CNBD1: variants seen among roughly 807,000 people sequenced by gnomAD.
CNBD1 encodes the protein cyclic nucleotide binding domain containing 1, also known as cyclic nucleotide-binding domain-containing protein 1.
In CNBD1, 71 loss-of-function variants were observed where a neutral mutation model predicts 54.4. The observed-to-expected ratio is 1.30, with a 90% CI of 1.08 to 1.59. CNBD1 has a LOEUF of 1.59. Among genes scored for constraint, CNBD1 ranks in the 40% most tolerant of loss-of-function variants. The pLI is 0.00. For synonymous variants in CNBD1, 182 were observed against 170.7 expected, an observed-to-expected ratio of 1.07 and a Z score of -0.51; for missense variants, 659 against 518.0, an observed-to-expected ratio of 1.27 and a Z score of -2.64.
At chr8:86,962,740 G>T (rs901848132) in intron 4 of CNBD1, among the ~76,000 whole-genome samples, 3 of 151,800 alleles carry the variant, frequency 2.0e-5, no homozygotes, top group African/African-American at 7.3e-5. Context: ...GAGCTGAGAT[G>T]GTGCCACGAC....
intron 4 of CNBD1, among the ~76,000 whole-genome samples, chr8:87,192,365 T>C (rs11997670): frequency 0.016 from 2,478 of 152,244 alleles, 62 homozygotes; most frequent in African/African-American, 0.053. Context: ...ACCTGGAACA[T>C]CTCCTGCCCT....
Position 87,055,829 on chromosome 8 carries a change from CCT to C in CNBD1, c.431+116082_431+116083del, listed in dbSNP as rs778952318. ...CATCCATCCCTTCCTTCCTTCCCTC[CCT>C]CTCTCTTTCCTTCCTTCCTCCCTCC... On this transcript the variant is annotated intron_variant, in intron 4 of 10. Transcript: ENST00000518476. 3.4e-5 allele frequency among the ~76,000 whole-genome samples: 5 copies of C among 148,484 alleles called. No homozygotes were observed. The South Asian group carries it at 1.1e-3, about 33-fold the overall frequency.
chr8:86,899,645 CTTAG>C (rs1808902890), intron 2 of CNBD1, among the ~76,000 whole-genome samples: 1 of 151,966 alleles, frequency 6.6e-6, no homozygotes, highest in Non-Finnish European at 1.5e-5. Flanking sequence ...AATTTATAGG[CTTAG>C]GGATATAAAT....
At chr8:87,261,647 G>T (rs1808142895) in intron 6 of CNBD1, among the ~76,000 whole-genome samples, 1 of 152,022 alleles carries the variant, frequency 6.6e-6, no homozygotes, top group African/African-American at 2.4e-5. Context: ...ACACTTAGCA[G>T]TCAATGGGTG....
chr8:87,415,300 T>C (rs1807817368), intron 2 of CNBD1, among the ~76,000 whole-genome samples: 1 of 151,778 alleles, frequency 6.6e-6, no homozygotes, highest in Non-Finnish European at 1.5e-5. Context: ...GTTCCAAGAA[T>C]TTGTATTATT....
At chr8:87,076,468 A>G (rs1044872580) in intron 4 of CNBD1, among the ~76,000 whole-genome samples, 8 of 151,758 alleles carry the variant, frequency 5.3e-5, no homozygotes, top group African/African-American at 1.9e-4. Flanking sequence ...TTTGAGACAG[A>G]GTCTCACACT....
At chr8:87,304,688 A>T (rs1359614752) in intron 8 of CNBD1, among the ~76,000 whole-genome samples, 2 of 152,178 alleles carry the variant, frequency 1.3e-5, no homozygotes, top group Non-Finnish European at 2.9e-5. Flanking sequence ...AGATGCAGAA[A>T]AAGCATTCAA....
intron 4 of CNBD1, among the ~76,000 whole-genome samples, chr8:86,958,051 A>C (rs1014610042): frequency 6.6e-6 from 1 of 152,200 alleles, no homozygotes; most frequent in Non-Finnish European, 1.5e-5. Flanking sequence ...TTAGTTTCAA[A>C]GAATATCTTT....
chr8:86,938,631 A>G (rs1809594019), intron 3 of CNBD1, among the ~76,000 whole-genome samples: 1 of 152,208 alleles, frequency 6.6e-6, no homozygotes, highest in Non-Finnish European at 1.5e-5. Context: ...CTTACTCACT[A>G]TCATGAGAAC....
intron 10 of CNBD1, among the ~76,000 whole-genome samples, chr8:87,372,817 A>C (rs1810842681): frequency 6.6e-6 from 1 of 151,810 alleles, no homozygotes; most frequent in South Asian, 2.1e-4. Flanking sequence ...TTCTGTATGT[A>C]AACTATGCTT....
intron 4 of CNBD1, among the ~76,000 whole-genome samples, chr8:87,148,680 G>A (rs1258170882): frequency 6.6e-6 from 1 of 152,122 alleles, no homozygotes; most frequent in Admixed American, 6.5e-5. Context: ...TAAGTCATGT[G>A]CTGCCAAAAT....
chr8:87,424,375 CA>C (rs756452705), intron 2 of CNBD1, among the ~76,000 whole-genome samples: 20 of 152,024 alleles, frequency 1.3e-4, no homozygotes, highest in Non-Finnish European at 2.6e-4. Flanking sequence ...GTTAGGGTGT[CA>C]ATTTTGGATC....
chr8:87,185,160 A>G (rs904710150), intron 4 of CNBD1, among the ~76,000 whole-genome samples: 1 of 152,192 alleles, frequency 6.6e-6, no homozygotes, highest in Non-Finnish European at 1.5e-5. Flanking sequence ...TGTTCCACAT[A>G]CAATCAAAAA....
chr8:86,979,509 A>G (rs1808424148), intron 4 of CNBD1, among the ~76,000 whole-genome samples: 1 of 151,104 alleles, frequency 6.6e-6, no homozygotes, highest in Non-Finnish European at 1.5e-5. Context: ...GACTTTGCTT[A>G]GCCTAGCAAA....
chr8:87,386,205 C>T (rs1051932918), downstream of CNBD1, among the ~76,000 whole-genome samples: 1 of 152,096 alleles, frequency 6.6e-6, no homozygotes, highest in Non-Finnish European at 1.5e-5. Context: ...AATCAGAGCA[C>T]CTCTCCTCCT....
At chr8:87,356,683 A>G (rs751371188) in intron 10 of CNBD1, among the ~76,000 whole-genome samples, 2 of 152,134 alleles carry the variant, frequency 1.3e-5, no homozygotes, top group African/African-American at 2.4e-5. Flanking sequence ...AAAAATTCAC[A>G]CTCTAGCTAT....
At chr8:87,010,471 A>G (rs1809194289) in intron 4 of CNBD1, among the ~76,000 whole-genome samples, 1 of 152,244 alleles carries the variant, frequency 6.6e-6, no homozygotes, top group Admixed American at 6.5e-5. Flanking sequence ...ACTCCATGCC[A>G]GGCATGGTGG....
intron 10 of CNBD1, among the ~76,000 whole-genome samples, chr8:87,357,485 A>C (rs569229356): frequency 1.3e-5 from 2 of 152,296 alleles, no homozygotes; most frequent in East Asian, 3.9e-4. Flanking sequence ...GGAGCTTTAA[A>C]ATTTTAATAC....
At chr8:87,345,471 A>G (rs970471046) in intron 8 of CNBD1, among the ~76,000 whole-genome samples, 1 of 152,150 alleles carries the variant, frequency 6.6e-6, no homozygotes, top group Non-Finnish European at 1.5e-5. Flanking sequence ...GACTTCGTTT[A>G]TTTTGACTGT....
Sources: gnomAD v4.1 joint callset for allele counts (sites outside exome capture counted in the v4.1 genomes callset) on GRCh38, gnomAD v4.1.1 for gene constraint, MANE v1.5 for transcripts, NCBI Gene and HGNC (gene_info 2026-07-23, HGNC 2026-07-21) for gene names.